Variants in GGPS1 observed in about 807,000 individuals in gnomAD.
GGPS1 encodes geranylgeranyl pyrophosphate synthase.
GGPS1 carries 15 observed loss-of-function variants against 28.1 expected under a neutral mutation model. That is an observed-to-expected ratio of 0.53 (90% CI 0.36 to 0.82). The LOEUF is 0.82. Ranked by LOEUF, GGPS1 falls within the 40% of genes least tolerant of loss-of-function variation. The pLI, the probability that GGPS1 is intolerant of heterozygous loss-of-function variation, is 0.01. For synonymous variants in GGPS1, 138 were observed against 122.4 expected (o/e 1.13, Z -0.84); for missense variants, 284 against 348.3 (o/e 0.82, Z 1.47).
intron 1 of GGPS1, 72 bp downstream of exon 1, chr1:235,328,850 A>G (rs1009102955): frequency 1.3e-5 from 2 of 152,738 alleles, no homozygotes; most frequent in African/African-American, 2.4e-5. Context: ...GAGGCGGGGC[A>G]GAGGAAAGAA....
At chr1:235,335,991 A>G (rs1675852062) in intron 2 of GGPS1, among the ~76,000 whole-genome samples, 1 of 152,258 alleles carries the variant, frequency 6.6e-6, no homozygotes, top group African/African-American at 2.4e-5. Flanking sequence ...AAATCACAGT[A>G]TTTGGAAATA....
Position 235,342,106 on chromosome 1 carries a change from C to G in GGPS1, c.237C>G (p.Ala79=). The G allele has an allele frequency of 6.2e-7, 1 of 1,613,688 alleles. No homozygotes were observed. Among genetic ancestry groups the G allele is most frequent in the Non-Finnish European group, 8.5e-7 (1 of 1,179,674 alleles). The change falls in exon 4 of 4, where the codon GCC becomes GCG. Residue 79 remains alanine (A), a synonymous_variant. Transcript: ENST00000282841. ...AACTCCGACGTGGCTTTCCAGTGGC[C>G]CACAGCATCTATGGAATCCCATCTG... The part of the protein sequence containing the change: ...NSKLRRGFPV[A]HSIYGIPSVI...
upstream of GGPS1, chr1:235,327,249 CACA>C (rs1051076633): frequency 1.0e-4 from 25 of 239,490 alleles, no homozygotes; most frequent in Admixed American, 7.2e-4. Flanking sequence ...AGAAGAAACT[CACA>C]ACAAGCCCGG....
chr1:235,327,300 C>G (rs1055707809), upstream of GGPS1: 2 of 157,816 alleles, frequency 1.3e-5, no homozygotes, highest in Non-Finnish European at 2.8e-5. Context: ...CCTAGGGCCT[C>G]GGCGCCCGGC....
intron 1 of GGPS1, among the ~76,000 whole-genome samples, chr1:235,332,938 G>A (rs1203923095): frequency 6.6e-6 from 1 of 150,736 alleles, no homozygotes; most frequent in African/African-American, 2.4e-5. Context: ...CGTGGTGGTG[G>A]GCACCTGTAG....
chr1:235,343,453 AG>A lies in GGPS1; in HGVS notation c.*683del. 6.2e-6 allele frequency: 1 copy of A among 161,332 alleles called. No individual in the cohort carries two copies. The highest frequency in any genetic ancestry group is 1.5e-5 in the Non-Finnish European group (1 of 68,140). The allele number at this position is 161,332 out of a possible 1,614,324, so 10.0% of individuals were successfully genotyped here. The stretch of plus-strand genomic sequence containing the variant: ...GTAGTCCCAGCTACTCGGGAGGCTG[AG>A]GCAGGAGAATGGTGTGAACCCAGGA... On this transcript the variant is annotated 3_prime_UTR_variant, in exon 4 of 4. Coordinates refer to ENST00000282841, the MANE Select transcript of GGPS1 (RefSeq NM_004837.4).
Position 235,336,995 on chromosome 1 carries a change from G to T in GGPS1, c.70+1661G>T. The T allele has an allele frequency of 1.7e-5, 3 of 181,196 alleles. No individual in the cohort carries two copies. The South Asian group carries it at 4.5e-4, about 27-fold the overall frequency. The allele number at this position is 181,196 out of a possible 1,614,324, so 11.2% of individuals were successfully genotyped here. ...GAATGACAGAAATGGAGAATTCAAAGGGAAGGTTGCCCACTGTTTAAGAAA... is the reference window on the plus strand; with the variant it reads ...GAATGACAGAAATGGAGAATTCAAATGGAAGGTTGCCCACTGTTTAAGAAA... On this transcript the variant is annotated intron_variant, in intron 2 of 3. Coordinates refer to ENST00000282841, the MANE Select transcript of GGPS1 (RefSeq NM_004837.4).
intron 1 of GGPS1, among the ~76,000 whole-genome samples, chr1:235,333,566 TC>T (rs1256796323): frequency 3.2e-5 from 4 of 123,778 alleles, no homozygotes; most frequent in Admixed American, 1.5e-4. Context: ...AAACTCCGTC[TC>T]AAAAAAAAAA....
chr1:235,337,470 A>G (rs1675905019), intron 2 of GGPS1, among the ~76,000 whole-genome samples: 1 of 152,330 alleles, frequency 6.6e-6, no homozygotes, highest in African/African-American at 2.4e-5. Flanking sequence ...AAAAGATACT[A>G]CTAAAGAAAT....
chr1:235,329,775 G>C (rs374199802), intron 1 of GGPS1: 1 of 152,222 alleles, frequency 6.6e-6, no homozygotes, highest in African/African-American at 2.4e-5. Flanking sequence ...GCTCCGATTG[G>C]AATGTCATCC....
chr1:235,332,991 C>G (rs1166523632), intron 1 of GGPS1, among the ~76,000 whole-genome samples: 1 of 149,652 alleles, frequency 6.7e-6, no homozygotes, highest in Non-Finnish European at 1.5e-5. Flanking sequence ...TTGCTTGAGC[C>G]CAGGAGGCAG....
chr1:235,331,520 G>A (rs1200270361), intron 1 of GGPS1, among the ~76,000 whole-genome samples: 1 of 152,094 alleles, frequency 6.6e-6, no homozygotes, highest in Non-Finnish European at 1.5e-5. Context: ...ATCTTAATCT[G>A]AGGTACGTGT....
chr1:235,343,132 G>C lies in GGPS1; in HGVS notation c.*360G>C, dbSNP rs1438346887. ...ATACACTTTCTAACTGTACTATCTG[G>C]GCAGTTCCAAGCCAGTTTCTATTAG... On this transcript the variant is annotated 3_prime_UTR_variant, in exon 4 of 4. Transcript: ENST00000282841. 5.7e-6 allele frequency: 1 copy of C among 175,414 alleles called. No individual in the cohort carries two copies. Among genetic ancestry groups the C allele is most frequent in the Non-Finnish European group, 1.3e-5 (1 of 74,092 alleles). The allele number at this position is 175,414 out of a possible 1,614,324, so 10.9% of individuals were successfully genotyped here.
Position 235,342,607 on chromosome 1 carries a change from C to T in GGPS1, c.738C>T (p.Tyr246=), listed in dbSNP as rs142513218. The stretch of plus-strand genomic sequence containing the variant: ...CAGAAAACATAGATATAAAAAAATA[C>T]TGTGTACATTATCTTGAGGATGTAG... The part of the protein sequence containing the change: ...QRTENIDIKK[Y]CVHYLEDVGS... The change falls in exon 4 of 4, where the codon TAC becomes TAT. Residue 246 remains tyrosine, a synonymous_variant. Transcript: ENST00000282841. 297 of 1,611,270 alleles carry T rather than the reference C, an allele frequency of 1.8e-4. No individual in the cohort carries two copies. Among genetic ancestry groups the T allele is most frequent in the Non-Finnish European group, 2.4e-4 (280 of 1,177,508 alleles).
At chr1:235,327,218 C>T, upstream of GGPS1, 1 of 337,608 alleles carries the variant, frequency 3.0e-6, no homozygotes, top group East Asian at 5.2e-5. Flanking sequence ...CCGTCTACGA[C>T]AATGACGCCA....
At position 235,342,504 on chromosome 1, in the gene GGPS1, AG is replaced by A; in HGVS notation, c.636del (p.Lys212AsnfsTer30). The A allele has an allele frequency of 6.2e-7, 1 of 1,613,776 alleles. No homozygotes were observed. The highest frequency in any genetic ancestry group is 8.5e-7 in the Non-Finnish European group (1 of 1,179,822). On this transcript the variant is annotated frameshift_variant, in exon 4 of 4. Coordinates refer to ENST00000282841, the MANE Select transcript of GGPS1 (RefSeq NM_004837.4). LOFTEE classifies it high-confidence loss of function. ...TTTTGTGAAGATCTGACAGAGGGAA[AG>A]TTCTCATTTCCTACTATTCATGCTA... ...KSFCEDLTEG[K>X]FSFPTIHAIW...
At chr1:235,329,117 C>T (rs1329951952) in intron 1 of GGPS1, 2 of 152,304 alleles carry the variant, frequency 1.3e-5, no homozygotes, top group African/African-American at 4.8e-5. Context: ...TATCAGGCGG[C>T]TTCTTTCAGA....
At chr1:235,341,668 AAC>A (rs1676048956) in intron 2 of GGPS1, 38 bp from the exon 3 acceptor site, 1 of 1,090,970 alleles carries the variant, frequency 9.2e-7, no homozygotes, top group Non-Finnish European at 1.4e-6. Flanking sequence ...TCATAATTAA[AAC>A]ACTTATCACA....
chr1:235,342,376 C>G lies in GGPS1; in HGVS notation c.507C>G (p.Tyr169Ter). ...GTCTCATGCAGTTGTTCTCTGATTA[C>G]AAAGAAGATTTAAAACCGCTACTTA... ...AVGLMQLFSD[Y>*]KEDLKPLLNT... Residue 169 changes from tyrosine to a stop codon, truncating the protein, a stop_gained, in exon 4 of 4, where the codon TAC (tyrosine) becomes TAG (stop). Transcript: ENST00000282841. LOFTEE classifies it high-confidence loss of function. 6.2e-6 allele frequency: 10 copies of G among 1,614,044 alleles called. No individual in the cohort carries two copies. The highest frequency in any genetic ancestry group is 8.5e-6 in the Non-Finnish European group (10 of 1,179,896).
Sources: gnomAD v4.1 joint callset for allele counts (sites outside exome capture counted in the v4.1 genomes callset) on GRCh38, gnomAD v4.1.1 for gene constraint, MANE v1.5 for transcripts, NCBI Gene and HGNC (gene_info 2026-07-23, HGNC 2026-07-21) for gene names.